The following M1AP variants were observed in gnomAD, a reference collection of about 807,000 sequenced individuals.
M1AP encodes the protein meiosis 1 associated protein.
A neutral mutation model predicts 51.2 loss-of-function variants in M1AP; 39 were observed. The observed-to-expected ratio is 0.76, with a 90% confidence interval of 0.59 to 1.00. The LOEUF is 1.00. M1AP is among the 50% of genes least tolerant of loss of function. The pLI is 0.00. For missense variants in M1AP, 545 were observed against 641.2 expected (o/e 0.85, Z 1.62); for synonymous variants, 251 against 249.2 (o/e 1.01, Z -0.07).
chr2:74,579,914 C>A (rs957535235), intron 5 of M1AP, among the ~76,000 whole-genome samples: 1 of 152,086 alleles, frequency 6.6e-6, no homozygotes, highest in Non-Finnish European at 1.5e-5. Flanking sequence ...TGCAAGTGAT[C>A]CTCTTGCCTC....
chr2:74,628,062 C>T lies in M1AP; in HGVS notation c.240+11974G>A, dbSNP rs116141776. Reference sequence around the variant, plus strand: ...GATATATTGATATTACATGACCATGCGCATACCTATGGAACATGTACATAC... The same window carrying T: ...GATATATTGATATTACATGACCATGTGCATACCTATGGAACATGTACATAC... On this transcript the variant is annotated intron_variant, in intron 2 of 10. Coordinates refer to ENST00000421985, the MANE Select transcript of M1AP (RefSeq NM_001321739.2). 3.5e-3 allele frequency among the ~76,000 whole-genome samples: 528 copies of T among 152,238 alleles called. 10 individuals carry two copies. Among genetic ancestry groups the T allele is most frequent in the African/African-American group, 0.012 (482 of 41,544 alleles).
intron 2 of M1AP, among the ~76,000 whole-genome samples, chr2:74,635,844 C>G (rs1028917601): frequency 7.2e-5 from 11 of 152,096 alleles, no homozygotes; most frequent in African/African-American, 2.7e-4. Context: ...AGAGAACATA[C>G]TATGCATGAT....
intron 3 of M1AP, among the ~76,000 whole-genome samples, chr2:74,611,746 T>C (rs955433009): frequency 6.6e-6 from 1 of 151,502 alleles, no homozygotes; most frequent in African/African-American, 2.4e-5. Flanking sequence ...GCAGGAGAAT[T>C]GCTTGAACAC....
chr2:74,614,523 T>C (rs1681551411), intron 3 of M1AP, among the ~76,000 whole-genome samples: 1 of 152,234 alleles, frequency 6.6e-6, no homozygotes, highest in Admixed American at 6.5e-5. Flanking sequence ...GGCACTCTTG[T>C]ATTTGCACAC....
chr2:74,578,749 C>T (rs1345255567), intron 5 of M1AP, among the ~76,000 whole-genome samples: 4 of 152,164 alleles, frequency 2.6e-5, no homozygotes, highest in Non-Finnish European at 5.9e-5. Context: ...GGCAAAGAAG[C>T]AGCTGGCATC....
chr2:74,576,507 T>TA lies in M1AP; in HGVS notation c.880dup (p.Tyr294LeufsTer23). 6.2e-7 allele frequency: 1 copy of TA among 1,614,070 alleles called. No homozygotes were observed. Among genetic ancestry groups the TA allele is most frequent in the South Asian group, 1.1e-5 (1 of 91,074 alleles). On this transcript the variant is annotated frameshift_variant, in exon 6 of 11. Transcript: ENST00000421985. LOFTEE classifies it high-confidence loss of function. ...GGCCGATGACTGGGAAGCCATCTGGTAGAGTGTGATGAAGTCTCCTTTAGG... is the reference window on the plus strand; with the variant it reads ...GGCCGATGACTGGGAAGCCATCTGGTAAGAGTGTGATGAAGTCTCCTTTAGG...
chr2:74,601,100 CA>C (rs1344108313), intron 4 of M1AP, among the ~76,000 whole-genome samples: 8 of 151,918 alleles, frequency 5.3e-5, no homozygotes, highest in Non-Finnish European at 1.0e-4. Context: ...CTTTATAAAA[CA>C]AGCTATTTTA....
At chr2:74,609,902 G>C (rs1183674802) in intron 3 of M1AP, among the ~76,000 whole-genome samples, 1 of 152,020 alleles carries the variant, frequency 6.6e-6, no homozygotes, top group Non-Finnish European at 1.5e-5. Flanking sequence ...TTTTTTCCCT[G>C]TTGAGTTGTT....
chr2:74,635,444 T>C (rs1470535923), intron 2 of M1AP, among the ~76,000 whole-genome samples: 1 of 152,116 alleles, frequency 6.6e-6, no homozygotes, highest in African/African-American at 2.4e-5. Flanking sequence ...CTTCTTTTCA[T>C]TGATCTTCTC....
intron 3 of M1AP, among the ~76,000 whole-genome samples, chr2:74,614,449 A>C (rs1292415292): frequency 6.6e-6 from 1 of 152,096 alleles, no homozygotes; most frequent in Non-Finnish European, 1.5e-5. Flanking sequence ...ACTCACACTT[A>C]CTCATGTACC....
At chr2:74,604,023 G>T (rs960487297) in intron 4 of M1AP, among the ~76,000 whole-genome samples, 6 of 152,108 alleles carry the variant, frequency 3.9e-5, no homozygotes, top group African/African-American at 1.2e-4. Flanking sequence ...ATTAAAACTG[G>T]TCCCAAAGCC....
At chr2:74,630,796 T>G (rs77221863) in intron 2 of M1AP, among the ~76,000 whole-genome samples, 3,286 of 152,278 alleles carry the variant, frequency 0.022, 114 homozygotes, top group African/African-American at 0.075. Flanking sequence ...AGTAAACACA[T>G]GTGTGCATGT....
chr2:74,599,939 T>C (rs1034096480), intron 4 of M1AP, among the ~76,000 whole-genome samples: 5 of 152,168 alleles, frequency 3.3e-5, no homozygotes, highest in East Asian at 3.9e-4. Flanking sequence ...CAGGAGATAC[T>C]TCCTCCTCAG....
intron 1 of M1AP, chr2:74,647,376 T>C (rs946178378): frequency 7.1e-6 from 7 of 985,276 alleles, no homozygotes; most frequent in Non-Finnish European, 4.8e-6. Context: ...ATTCACTTTG[T>C]CGCGTGATAA....
intron 2 of M1AP, among the ~76,000 whole-genome samples, chr2:74,638,298 C>T (rs1683099671): frequency 6.6e-6 from 1 of 152,164 alleles, no homozygotes; most frequent in Admixed American, 6.5e-5. Flanking sequence ...AGGTGATCTG[C>T]AAGCTGGAAC....
chr2:74,635,447 ATCT>A (rs1174958014), intron 2 of M1AP, among the ~76,000 whole-genome samples: 2 of 151,384 alleles, frequency 1.3e-5, no homozygotes, highest in Non-Finnish European at 3.0e-5. Flanking sequence ...CTTTTCATTG[ATCT>A]TCTCTATTTT....
chr2:74,601,799 G>GT (rs755721000), intron 4 of M1AP, among the ~76,000 whole-genome samples: 18 of 152,144 alleles, frequency 1.2e-4, no homozygotes, highest in Non-Finnish European at 2.2e-4. Flanking sequence ...TTTCTAAGAT[G>GT]TGAGTCTACT....
chr2:74,615,300 C>A, intron 2 of M1AP, 151 bp from the exon 3 acceptor site: 1 of 699,448 alleles, frequency 1.4e-6, no homozygotes, highest in East Asian at 2.7e-5. Context: ...CTATTGTGTT[C>A]TAGCCACTGC....
intron 2 of M1AP, among the ~76,000 whole-genome samples, chr2:74,623,123 AAAAC>A (rs1682165754): frequency 6.6e-6 from 1 of 152,132 alleles, no homozygotes; most frequent in African/African-American, 2.4e-5. Context: ...TACCAGCTAA[AAAAC>A]AAATTATTGG....
Sources: allele counts gnomAD v4.1 joint callset (sites outside exome capture counted in the v4.1 genomes callset), GRCh38; gene constraint gnomAD v4.1.1; transcripts MANE v1.5; gene names NCBI Gene and HGNC (gene_info 2026-07-23, HGNC 2026-07-21).